Variants in CABIN1 observed in about 807,000 individuals in gnomAD.
CABIN1 encodes the protein calcineurin-binding protein cabin-1.
In CABIN1, 133 loss-of-function variants were observed where a neutral mutation model predicts 227.7. The observed-to-expected ratio is 0.58, with a 90% CI of 0.51 to 0.67. The LOEUF (loss-of-function observed/expected upper bound fraction) is 0.67, where lower values mean the gene tolerates loss of function less well. Ranked by LOEUF, CABIN1 falls within the 30% of genes least tolerant of loss-of-function variation. CABIN1 has a pLI of 0.00. For synonymous variants in CABIN1, 1,086 were observed against 1,155.1 expected (o/e 0.94, Z 1.21); for missense variants, 2,408 against 2,852.5 (o/e 0.84, Z 3.55).
chr22:24,099,547 A>G lies in CABIN1; in HGVS notation c.4117+1355A>G, dbSNP rs751584472. ...AAGAACTGACCCACCTGCTCCTCCA[A>G]TCTTCAGTTCTGCAGACTTTCCCTG... On this transcript the variant is annotated intron_variant, in intron 26 of 36. Coordinates refer to ENST00000263119, the MANE Select transcript of CABIN1 (RefSeq NM_012295.4). 7.8e-4 allele frequency among the ~76,000 whole-genome samples: 118 copies of G among 152,128 alleles called. 1 individual carries two copies. The highest frequency in any genetic ancestry group is 9.1e-4 in the Non-Finnish European group (62 of 68,012).
chr22:24,039,138 A>G (rs2037154602), intron 4 of CABIN1, among the ~76,000 whole-genome samples: 1 of 152,178 alleles, frequency 6.6e-6, no homozygotes. Flanking sequence ...ATATTTCATT[A>G]GGAGGAAAGG....
chr22:24,080,979 A>G (rs2040770010), intron 19 of CABIN1, among the ~76,000 whole-genome samples: 1 of 152,102 alleles, frequency 6.6e-6, no homozygotes, highest in Non-Finnish European at 1.5e-5. Flanking sequence ...GTAAAGGGAC[A>G]AATAGTAAAT....
At chr22:24,110,101 G>A (rs2042727557) in intron 26 of CABIN1, among the ~76,000 whole-genome samples, 1 of 152,186 alleles carries the variant, frequency 6.6e-6, no homozygotes, top group Non-Finnish European at 1.5e-5. Flanking sequence ...AACCTGGGAG[G>A]TAGAGGTTGC....
rs771016084 is a variant in CABIN1, at chr22:24,177,666, G to A, written c.6368G>A (p.Arg2123Gln). 19 of 1,613,624 alleles carry A rather than the reference G, an allele frequency of 1.2e-5. No individual in the cohort carries two copies. The highest frequency in any genetic ancestry group is 8.9e-5 in the East Asian group (4 of 44,884). The change falls in exon 36 of 37, where the codon CGG (arginine) becomes CAG (glutamine). Residue 2123 changes from arginine to glutamine, a missense_variant. Transcript: ENST00000263119. The surrounding 1 kb of genome is among the most constrained non-coding windows in gnomAD (Gnocchi z 4.4). The part of the protein sequence containing the change: ...EGHPGKPEPS[R>Q]AKSRPLPNMP... ...CACCCAGGCAAGCCTGAGCCCAGCC[G>A]GGCTAAGTCCCGCCCCCTGCCCAAC...
chr22:24,178,598 TG>T lies in CABIN1; in HGVS notation c.*404del. The T allele has an allele frequency of 3.5e-6, 1 of 288,392 alleles. No individual in the cohort carries two copies. Among genetic ancestry groups the T allele is most frequent in the Non-Finnish European group, 6.8e-6 (1 of 147,342 alleles). 17.9% of individuals were successfully genotyped at this position (288,392 alleles called of 1,614,324 possible). A position where few individuals can be genotyped will look rare whatever the true frequency, so the allele number is the denominator to read the frequency against. On this transcript the variant is annotated 3_prime_UTR_variant, in exon 37 of 37. Coordinates refer to ENST00000263119, the MANE Select transcript of CABIN1 (RefSeq NM_012295.4). ...CCAGGCTCACCCCTCACCCTTTTTT[TG>T]GTTGCTTTTCTAATAAAGATGGAAC...
chr22:24,030,398 G>A (rs2036413906), intron 1 of CABIN1, among the ~76,000 whole-genome samples: 1 of 152,158 alleles, frequency 6.6e-6, no homozygotes, highest in Admixed American at 6.5e-5. Flanking sequence ...TGGAAAATGG[G>A]GATGATAATG....
chr22:24,049,209 G>A lies in CABIN1; in HGVS notation c.645G>A (p.Met215Ile). The A allele has an allele frequency of 6.2e-7, 1 of 1,613,788 alleles. No individual in the cohort carries two copies. Among genetic ancestry groups the A allele is most frequent in the Non-Finnish European group, 8.5e-7 (1 of 1,179,948 alleles). The part of the protein sequence containing the change: ...QPCLRKDSLR[M>I]FLKCDMSIHD... ...GTCTCCGGAAGGACTCTCTCAGAAT[G>A]TTCCTCAAATGGTAAGTCCTGCCTC... Residue 215 changes from methionine (M) to isoleucine (I), a missense_variant, in exon 7 of 37, where the codon ATG (methionine) becomes ATA (isoleucine). By Grantham distance (10) the Met-to-Ile change is conservative. Coordinates refer to ENST00000263119, the MANE Select transcript of CABIN1 (RefSeq NM_012295.4).
At chr22:24,052,979 C>T (rs2038469994) in intron 8 of CABIN1, among the ~76,000 whole-genome samples, 1 of 151,834 alleles carries the variant, frequency 6.6e-6, no homozygotes, top group South Asian at 2.1e-4. Context: ...TAACTGAAGG[C>T]AGGAAAAAGA....
In CABIN1 at chr22:24,053,480, C is replaced by T. The variant is rs368016075; in HGVS notation, c.807-1393C>T. ...GCAACCTCCACCTCCCAGGTTCAAG[C>T]GATTCTCCTGCCTCAGCCTCCCAAG... is the stretch of plus-strand genomic sequence containing the variant. On this transcript the variant is annotated intron_variant, in intron 8 of 36. Transcript: ENST00000263119. 1.2e-4 allele frequency among the ~76,000 whole-genome samples: 19 copies of T among 152,170 alleles called. No homozygotes were observed. The East Asian group carries it at 1.9e-3, about 15-fold the overall frequency.
At chr22:24,121,380 C>CA (rs1440148669) in intron 28 of CABIN1, among the ~76,000 whole-genome samples, 2 of 152,232 alleles carry the variant, frequency 1.3e-5, no homozygotes, top group Non-Finnish European at 2.9e-5. Flanking sequence ...CAGCAGGTGA[C>CA]ACAGGTCTGG....
rs372660899 is a variant in CABIN1 at position 24,166,679 on chromosome 22, G to A, written c.5048G>A (p.Gly1683Glu). The change falls in exon 32 of 37, where the codon GGA (glycine) becomes GAA (glutamate). Residue 1683 changes from glycine (G) to glutamate (E), a missense_variant. Physicochemically the swap from Gly to Glu is moderately conservative, Grantham distance 98 (BLOSUM62 -2). Around this residue, in one of 3 missense-constraint regions of CABIN1, gnomAD observed 714 missense variants for 773.8 expected, o/e 0.92. Coordinates refer to ENST00000263119, the MANE Select transcript of CABIN1 (RefSeq NM_012295.4). ...GGGCCCAAGGTCTGTGGCCTCCCCG[G>A]AGCCAGGATGACCACCGATGTCTCA... ...RPGPKVCGLP[G>E]ARMTTDVSHK... 1.9e-6 allele frequency: 3 copies of A among 1,612,688 alleles called. No homozygotes were observed. Among genetic ancestry groups the A allele is most frequent in the Non-Finnish European group, 2.5e-6 (3 of 1,179,968 alleles).
chr22:24,098,314 G>A (rs1286704477), intron 26 of CABIN1, 122 bp downstream of exon 26: 17 of 1,567,524 alleles, frequency 1.1e-5, no homozygotes, highest in Middle Eastern at 2.2e-4. Flanking sequence ...GGGGTGACAC[G>A]GGCAATGTTG....
intron 31 of CABIN1, 46 bp downstream of exon 31, chr22:24,165,672 T>A: frequency 6.7e-7 from 1 of 1,493,256 alleles, no homozygotes; most frequent in East Asian, 2.3e-5. Flanking sequence ...ATGAACACGC[T>A]TCCAAGCCCT....
intron 12 of CABIN1, among the ~76,000 whole-genome samples, chr22:24,061,744 T>C (rs952552389): frequency 6.6e-6 from 1 of 152,232 alleles, no homozygotes; most frequent in Non-Finnish European, 1.5e-5. Flanking sequence ...CTCTCCCAAG[T>C]CTTGTCCCAA....
At chr22:24,129,126 C>T (rs1175195816) in intron 28 of CABIN1, among the ~76,000 whole-genome samples, 1 of 152,136 alleles carries the variant, frequency 6.6e-6, no homozygotes, top group African/African-American at 2.4e-5. Context: ...AGCAGGTGTC[C>T]CCAGAGGGTA....
intron 16 of CABIN1, among the ~76,000 whole-genome samples, chr22:24,068,837 A>G (rs1022713840): frequency 6.6e-6 from 1 of 152,180 alleles, no homozygotes; most frequent in Non-Finnish European, 1.5e-5. Flanking sequence ...ATGCTTAGAC[A>G]GTCTTTCCAA....
chr22:24,014,599 A>C (rs1341636194), intron 1 of CABIN1, among the ~76,000 whole-genome samples: 2 of 151,972 alleles, frequency 1.3e-5, no homozygotes, highest in African/African-American at 4.8e-5. Context: ...TGCCTTTCAG[A>C]GTGGTTATGT....
intron 29 of CABIN1, among the ~76,000 whole-genome samples, chr22:24,158,843 A>T (rs572303378): frequency 6.6e-6 from 1 of 152,128 alleles, no homozygotes; most frequent in African/African-American, 2.4e-5. Context: ...AAACTCTCCA[A>T]TGCCTACTCA....
Position 24,155,842 on chromosome 22 carries a change from T to C in CABIN1, c.4747-8558T>C, listed in dbSNP as rs867779266. 3.3e-5 allele frequency: 14 copies of C among 428,004 alleles called. No individual in the cohort carries two copies. The South Asian group carries it at 6.3e-4, about 19-fold the overall frequency. 26.5% of individuals were successfully genotyped at this position (428,004 alleles called of 1,614,324 possible). ...CCTGCAGTGAGAGCTGCACCCACTT[T>C]GCCCGGCAGCGGTCCACAGCCCGCC... On this transcript the variant is annotated intron_variant, in intron 29 of 36. Transcript: ENST00000263119.
Sources: gnomAD v4.1 joint callset for allele counts (sites outside exome capture counted in the v4.1 genomes callset) on GRCh38, gnomAD v4.1.1 for gene constraint, gnomAD v4.1.1 regional missense constraint, Gnocchi (gnomAD v3.1) non-coding constraint, MANE v1.5 for transcripts, NCBI Gene and HGNC (gene_info 2026-07-23, HGNC 2026-07-21) for gene names.